HS6ST3: variants seen among roughly 807,000 people sequenced by gnomAD.
The protein encoded by HS6ST3 is heparan sulfate 6-O-sulfotransferase 3, also known as heparan-sulfate 6-O-sulfotransferase 3.
In HS6ST3, 12 loss-of-function variants were observed where a neutral mutation model predicts 36.7. That is an observed-to-expected ratio of 0.33 (90% CI 0.21 to 0.53). HS6ST3 has a LOEUF of 0.53. Among genes scored for constraint, HS6ST3 ranks in the 20% least tolerant of loss-of-function variants. The probability of loss-of-function intolerance (pLI) is 0.95; values close to 1 mark genes in which losing one functional copy is unlikely to be tolerated. For synonymous variants in HS6ST3, 240 were observed against 257.5 expected, an observed-to-expected ratio of 0.93 and a Z score of 0.65; for missense variants, 584 against 640.9, an observed-to-expected ratio of 0.91 and a Z score of 0.96.
intron 1 of HS6ST3, among the ~76,000 whole-genome samples, chr13:96,483,055 A>G (rs2055897087): frequency 1.3e-5 from 2 of 152,254 alleles, no homozygotes; most frequent in South Asian, 4.1e-4. Context: ...AAAAGCAGAT[A>G]TAGTCACCAT....
chr13:96,774,170 C>T (rs898853023), intron 1 of HS6ST3, among the ~76,000 whole-genome samples: 3 of 152,266 alleles, frequency 2.0e-5, no homozygotes, highest in East Asian at 3.9e-4. Context: ...AAACCCCATT[C>T]AAAGGTCACC....
intron 1 of HS6ST3, among the ~76,000 whole-genome samples, chr13:96,542,814 C>T (rs1381122860): frequency 1.3e-5 from 2 of 152,134 alleles, no homozygotes; most frequent in Non-Finnish European, 2.9e-5. Flanking sequence ...GGTCCTTGCT[C>T]TGCCACTTTC....
At chr13:96,757,344 A>C (rs1452051060) in intron 1 of HS6ST3, among the ~76,000 whole-genome samples, 1 of 152,212 alleles carries the variant, frequency 6.6e-6, no homozygotes, top group Non-Finnish European at 1.5e-5. Flanking sequence ...GGTACAAATC[A>C]TAAGTGCCAC....
chr13:96,255,213 T>C (rs2054630906), intron 1 of HS6ST3, among the ~76,000 whole-genome samples: 1 of 152,174 alleles, frequency 6.6e-6, no homozygotes, highest in Non-Finnish European at 1.5e-5. Context: ...CTGTGGGACG[T>C]CCCCTATCTG....
chr13:96,303,656 C>T (rs1220633531), intron 1 of HS6ST3, among the ~76,000 whole-genome samples: 1 of 151,990 alleles, frequency 6.6e-6, no homozygotes, highest in African/African-American at 2.4e-5. Context: ...GGAAAGATGC[C>T]TGAGATCTGA....
chr13:96,726,516 G>T (rs1395078564), intron 1 of HS6ST3, among the ~76,000 whole-genome samples: 1 of 151,956 alleles, frequency 6.6e-6, no homozygotes, highest in Non-Finnish European at 1.5e-5. Context: ...ACTTTTTGTT[G>T]CTAATATATG....
At chr13:96,320,540 C>T (rs1052253732) in intron 1 of HS6ST3, among the ~76,000 whole-genome samples, 3 of 152,192 alleles carry the variant, frequency 2.0e-5, no homozygotes, top group African/African-American at 4.8e-5. Context: ...ACACAGAAGG[C>T]TTGAAAATGG....
At chr13:96,643,355 T>C (rs995249121) in intron 1 of HS6ST3, among the ~76,000 whole-genome samples, 1 of 151,848 alleles carries the variant, frequency 6.6e-6, no homozygotes, top group African/African-American at 2.4e-5. Flanking sequence ...AGATATTCCT[T>C]AGCATACACA....
At position 96,835,674 on chromosome 13, in the gene HS6ST3, G is replaced by A. The variant is rs1878910921; in HGVS notation, c.*2476G>A. On this transcript the variant is annotated 3_prime_UTR_variant, in exon 2 of 2. Transcript: ENST00000376705. ...TTTGTCATGTGGAAAATCAAAACAA[G>A]TTAGAAAGCATTCAGATTGTTTCTT... 1.3e-5 allele frequency: 2 copies of A among 151,674 alleles called. No individual in the cohort carries two copies. The highest frequency in any genetic ancestry group is 4.9e-5 in the African/African-American group (2 of 41,162). 9.4% of individuals were successfully genotyped at this position (151,674 alleles called of 1,614,324 possible). A position where few individuals can be genotyped will look rare whatever the true frequency, so the allele number is the denominator to read the frequency against.
intron 1 of HS6ST3, among the ~76,000 whole-genome samples, chr13:96,654,259 T>G (rs1373708975): frequency 1.3e-5 from 2 of 152,172 alleles, no homozygotes; most frequent in African/African-American, 4.8e-5. Context: ...TTGCTTTTGG[T>G]GTTTTAGTCA....
At chr13:96,103,579 T>C (rs9516636) in intron 1 of HS6ST3, among the ~76,000 whole-genome samples, 1 of 152,176 alleles carries the variant, frequency 6.6e-6, no homozygotes, top group Non-Finnish European at 1.5e-5. Flanking sequence ...TTTTTGGAGT[T>C]GTGGGGTGAG....
chr13:96,126,976 C>CTACTTCTT (rs1343911517), intron 1 of HS6ST3, among the ~76,000 whole-genome samples: 1 of 152,136 alleles, frequency 6.6e-6, no homozygotes, highest in African/African-American at 2.4e-5. Context: ...AAGGTGATCC[C>CTACTTCTT]TACTTCTTCT....
At chr13:96,123,441 G>C (rs768872736) in intron 1 of HS6ST3, among the ~76,000 whole-genome samples, 1 of 152,164 alleles carries the variant, frequency 6.6e-6, no homozygotes. Flanking sequence ...TGGACAAATG[G>C]TATTATGAAT....
intron 1 of HS6ST3, among the ~76,000 whole-genome samples, chr13:96,534,797 A>T (rs2056148813): frequency 6.6e-6 from 1 of 152,126 alleles, no homozygotes; most frequent in African/African-American, 2.4e-5. Context: ...TGTCTCTACT[A>T]AAGATACAAA....
chr13:96,236,350 A>G (rs1037944693), intron 1 of HS6ST3, among the ~76,000 whole-genome samples: 3 of 152,050 alleles, frequency 2.0e-5, no homozygotes, highest in Admixed American at 6.6e-5. Flanking sequence ...AATATTAACC[A>G]TCACAGGCAG....
At chr13:96,700,677 A>G (rs1441222630) in intron 1 of HS6ST3, among the ~76,000 whole-genome samples, 2 of 152,110 alleles carry the variant, frequency 1.3e-5, no homozygotes, top group Non-Finnish European at 2.9e-5. Context: ...TGCTTGTCAC[A>G]CTGTGTCTGG....
intron 1 of HS6ST3, among the ~76,000 whole-genome samples, chr13:96,544,674 T>C: frequency 6.6e-6 from 1 of 152,198 alleles, no homozygotes; most frequent in Admixed American, 6.5e-5. Flanking sequence ...ATTCAAAGTA[T>C]GAATATTTTT....
intron 1 of HS6ST3, among the ~76,000 whole-genome samples, chr13:96,418,822 C>A (rs563036832): frequency 6.6e-6 from 1 of 152,206 alleles, no homozygotes; most frequent in African/African-American, 2.4e-5. Flanking sequence ...TCTTGCTTCT[C>A]GACTCTAACT....
chr13:96,518,354 A>G (rs751216773), intron 1 of HS6ST3, among the ~76,000 whole-genome samples: 13 of 152,320 alleles, frequency 8.5e-5, no homozygotes, highest in Non-Finnish European at 1.5e-4. Flanking sequence ...TATGGGAAGC[A>G]ATTGGAATAG....
Sources: gnomAD v4.1 joint callset for allele counts (sites outside exome capture counted in the v4.1 genomes callset) on GRCh38, gnomAD v4.1.1 for gene constraint, MANE v1.5 for transcripts, NCBI Gene and HGNC (gene_info 2026-07-23, HGNC 2026-07-21) for gene names.